MGAT4C: variants seen among roughly 807,000 people sequenced by gnomAD.
MGAT4C encodes MGAT4 family member C.
Under a neutral mutation model 40.1 loss-of-function variants are expected in MGAT4C, and 19 were observed. The observed-to-expected ratio is 0.47, with a 90% CI of 0.33 to 0.70. The LOEUF (loss-of-function observed/expected upper bound fraction) is 0.70. Ranked by LOEUF, MGAT4C falls within the 30% of genes least tolerant of loss-of-function variation. The pLI is 0.02. For missense variants in MGAT4C, 491 were observed against 563.2 expected (o/e 0.87, Z 1.30); for synonymous variants, 181 against 187.1 (o/e 0.97, Z 0.27).
intron 2 of MGAT4C, among the ~76,000 whole-genome samples, chr12:86,037,891 G>GT: frequency 6.7e-6 from 1 of 149,762 alleles, no homozygotes; most frequent in African/African-American, 2.4e-5. Context: ...TCAGTGGCGT[G>GT]TTAAAGTCTC....
chr12:86,091,723 C>T (rs1483124303), intron 1 of MGAT4C, among the ~76,000 whole-genome samples: 1 of 151,994 alleles, frequency 6.6e-6, no homozygotes, highest in Non-Finnish European at 1.5e-5. Flanking sequence ...AAAAATGATG[C>T]TCCTTGATAC....
intron 1 of MGAT4C, among the ~76,000 whole-genome samples, chr12:86,783,990 T>C (rs1951890202): frequency 1.3e-5 from 2 of 152,076 alleles, no homozygotes; most frequent in Admixed American, 6.6e-5. Context: ...TTTGAGGGCA[T>C]TGTGGTGATA....
chr12:86,393,826 A>T (rs910610491), intron 3 of MGAT4C, among the ~76,000 whole-genome samples: 1 of 152,178 alleles, frequency 6.6e-6, no homozygotes, highest in Non-Finnish European at 1.5e-5. Context: ...CCTGCACTAT[A>T]GAAATCGGCA....
chr12:86,267,939 T>A (rs537178131), intron 4 of MGAT4C, among the ~76,000 whole-genome samples: 231 of 152,166 alleles, frequency 1.5e-3, no homozygotes, highest in African/African-American at 5.3e-3. Context: ...ATGACTAACA[T>A]AGTGGCAGTA....
At chr12:86,600,256 A>C (rs1961715634) in intron 2 of MGAT4C, among the ~76,000 whole-genome samples, 1 of 152,160 alleles carries the variant, frequency 6.6e-6, no homozygotes, top group Non-Finnish European at 1.5e-5. Context: ...GAAAAACTGA[A>C]AGCCTATTAG....
intron 2 of MGAT4C, among the ~76,000 whole-genome samples, chr12:86,718,530 T>C (rs1950686370): frequency 6.6e-6 from 1 of 152,152 alleles, no homozygotes; most frequent in Non-Finnish European, 1.5e-5. Flanking sequence ...AGAGGCTGCA[T>C]GGACATCTCC....
intron 3 of MGAT4C, among the ~76,000 whole-genome samples, chr12:86,391,337 G>A (rs1375739280): frequency 1.3e-5 from 2 of 152,132 alleles, no homozygotes; most frequent in African/African-American, 2.4e-5. Flanking sequence ...GGACAGTTGT[G>A]CCAAAGGTTT....
intron 2 of MGAT4C, among the ~76,000 whole-genome samples, chr12:86,583,213 A>G (rs1009743327): frequency 6.6e-6 from 1 of 151,270 alleles, no homozygotes; most frequent in Non-Finnish European, 1.5e-5. Context: ...AAACACTAAG[A>G]AAGCAGAAAA....
At chr12:86,501,423 C>T (rs1958338750) in intron 2 of MGAT4C, among the ~76,000 whole-genome samples, 1 of 151,970 alleles carries the variant, frequency 6.6e-6, no homozygotes, top group Admixed American at 6.6e-5. Context: ...GTTGCTGTAC[C>T]TATCAACCTA....
At chr12:86,345,624 C>T (rs1397508082) in intron 3 of MGAT4C, among the ~76,000 whole-genome samples, 1 of 152,220 alleles carries the variant, frequency 6.6e-6, no homozygotes, top group South Asian at 2.1e-4. Context: ...TTTATGGCTG[C>T]ATAGTATTCC....
At chr12:86,425,578 A>C (rs903216857) in intron 3 of MGAT4C, among the ~76,000 whole-genome samples, 11 of 152,178 alleles carry the variant, frequency 7.2e-5, no homozygotes, top group African/African-American at 2.7e-4. Context: ...GCAATGAAAA[A>C]ACAAATTACT....
intron 2 of MGAT4C, among the ~76,000 whole-genome samples, chr12:86,533,441 C>T (rs571084667): frequency 6.6e-6 from 1 of 151,902 alleles, no homozygotes; most frequent in South Asian, 2.1e-4. Context: ...CTGCTTGTAC[C>T]TTTTTCCCAA....
intron 2 of MGAT4C, among the ~76,000 whole-genome samples, chr12:86,437,928 C>A (rs569783871): frequency 6.6e-6 from 1 of 151,926 alleles, no homozygotes; most frequent in African/African-American, 2.4e-5. Flanking sequence ...TTCCCTGAGA[C>A]ACAAAAATAT....
chr12:86,298,941 C>G (rs1417734218), intron 4 of MGAT4C, among the ~76,000 whole-genome samples: 1 of 151,826 alleles, frequency 6.6e-6, no homozygotes, highest in Non-Finnish European at 1.5e-5. Context: ...GAAATTATCA[C>G]CAATGAGTGC....
At chr12:86,742,297 T>G (rs1288140112) in intron 1 of MGAT4C, among the ~76,000 whole-genome samples, 1 of 151,538 alleles carries the variant, frequency 6.6e-6, no homozygotes, top group Non-Finnish European at 1.5e-5. Flanking sequence ...TTCCTTTTTC[T>G]CAAGTGCTTG....
chr12:86,414,136 T>C (rs898127972), intron 3 of MGAT4C, among the ~76,000 whole-genome samples: 3 of 151,920 alleles, frequency 2.0e-5, no homozygotes, highest in African/African-American at 7.3e-5. Flanking sequence ...TATAAAAAGG[T>C]AAAATTAAAA....
At chr12:86,304,437 T>C (rs1452014956) in intron 4 of MGAT4C, among the ~76,000 whole-genome samples, 2 of 150,558 alleles carry the variant, frequency 1.3e-5, no homozygotes, top group Admixed American at 1.3e-4. Flanking sequence ...TAAGAAAAAA[T>C]AGCAAAATCA....
intron 2 of MGAT4C, among the ~76,000 whole-genome samples, chr12:86,010,785 C>T (rs886679289): frequency 6.6e-6 from 1 of 152,160 alleles, no homozygotes; most frequent in African/African-American, 2.4e-5. Flanking sequence ...GTGACTGGAT[C>T]ATGAGGCTTC....
chr12:86,744,715 A>C (rs543622660), intron 1 of MGAT4C, among the ~76,000 whole-genome samples: 161 of 151,668 alleles, frequency 1.1e-3, no homozygotes, highest in African/African-American at 3.6e-3. Context: ...ATCCAGAGTT[A>C]GGAGTCTATG....
Sources: gnomAD v4.1 joint callset for allele counts (sites outside exome capture counted in the v4.1 genomes callset) on GRCh38, gnomAD v4.1.1 for gene constraint, MANE v1.5 for transcripts, NCBI Gene and HGNC (gene_info 2026-07-23, HGNC 2026-07-21) for gene names.